TGS1: variants seen among roughly 807,000 people sequenced by gnomAD.
TGS1 encodes the protein trimethylguanosine synthase.
Under a neutral mutation model 92.2 loss-of-function variants are expected in TGS1, and 69 were observed. The ratio of observed to expected loss-of-function variants is 0.75; its 90% CI spans 0.62 to 0.91. The LOEUF is 0.91. TGS1 is among the 40% of genes least tolerant of loss of function. The pLI is 0.00. For missense variants in TGS1, 1,062 were observed against 1,001.2 expected, an observed-to-expected ratio of 1.06 and a Z score of -0.82; for synonymous variants, 345 against 338.1, an observed-to-expected ratio of 1.02 and a Z score of -0.22.
chr8:55,793,592 G>A (rs929663628), intron 6 of TGS1, among the ~76,000 whole-genome samples: 15 of 152,016 alleles, frequency 9.9e-5, no homozygotes, highest in Admixed American at 8.5e-4. Flanking sequence ...TTTTGAGACA[G>A]AGTCTCACTC....
intron 7 of TGS1, among the ~76,000 whole-genome samples, 169 bp from the exon 8 acceptor site, chr8:55,798,744 AT>A (rs1248562658): frequency 6.6e-6 from 1 of 152,186 alleles, no homozygotes; most frequent in African/African-American, 2.4e-5. Context: ...CCCAGATAGC[AT>A]TCTGATTAGG....
At chr8:55,814,912 C>T (rs1435083607) in intron 12 of TGS1, among the ~76,000 whole-genome samples, 1 of 151,338 alleles carries the variant, frequency 6.6e-6, no homozygotes, top group Non-Finnish European at 1.5e-5. Context: ...ATATTAAACA[C>T]CAGGTATTTT....
At chr8:55,783,191 A>G (rs1811618369) in intron 2 of TGS1, among the ~76,000 whole-genome samples, 2 of 152,152 alleles carry the variant, frequency 1.3e-5, no homozygotes, top group Admixed American at 1.3e-4. Context: ...GGCCAAGGCA[A>G]GCAGATCACT....
rs112600032 is a variant in TGS1 at position 55,781,164 on chromosome 8, T to A, written c.102-1584T>A. Among the ~76,000 whole-genome samples the A allele has an allele frequency of 5.9e-3, 905 of 152,344 alleles. 5 individuals carry two copies. The highest frequency in any genetic ancestry group is 0.02 in the African/African-American group (835 of 41,568). On this transcript the variant is annotated intron_variant, in intron 1 of 12. Transcript: ENST00000260129. ...TTTTACACGCATACATGAATGTGTC[T>A]GTGTATATATACACACATATGTAAC...
intron 10 of TGS1, among the ~76,000 whole-genome samples, chr8:55,810,373 T>C (rs1246679371): frequency 6.6e-6 from 1 of 152,292 alleles, no homozygotes; most frequent in Non-Finnish European, 1.5e-5. Context: ...CAGGTGTTTT[T>C]ACATTTCTTC....
chr8:55,814,488 A>G (rs969686098), intron 12 of TGS1, among the ~76,000 whole-genome samples: 2 of 151,850 alleles, frequency 1.3e-5, no homozygotes, highest in African/African-American at 4.8e-5. Context: ...GTGTCTAAAC[A>G]TTAGGCCTCC....
chr8:55,778,614 C>A (rs1174779698), intron 1 of TGS1, among the ~76,000 whole-genome samples: 1 of 152,132 alleles, frequency 6.6e-6, no homozygotes, highest in Non-Finnish European at 1.5e-5. Context: ...CCAACAGGTT[C>A]CTGAGTCAGA....
intron 12 of TGS1, among the ~76,000 whole-genome samples, chr8:55,822,848 A>T (rs1010259483): frequency 6.6e-6 from 1 of 152,166 alleles, no homozygotes; most frequent in African/African-American, 2.4e-5. Flanking sequence ...TGCACAATAA[A>T]TCTTCCCTTC....
intron 7 of TGS1, 108 bp downstream of exon 7, chr8:55,796,260 G>A (rs1369795247): frequency 1.2e-6 from 1 of 849,892 alleles, no homozygotes; most frequent in Non-Finnish European, 1.8e-6. Context: ...CAGGTATCAA[G>A]GTACATAATT....
intron 1 of TGS1, among the ~76,000 whole-genome samples, chr8:55,774,621 T>G (rs1811329257): frequency 1.3e-5 from 2 of 152,246 alleles, no homozygotes; most frequent in South Asian, 4.1e-4. Flanking sequence ...TTTTGTGCTC[T>G]TGTATATCAA....
chr8:55,801,433 G>A (rs112573630), intron 8 of TGS1, among the ~76,000 whole-genome samples: 9,286 of 147,288 alleles, frequency 0.063, 327 homozygotes, highest in African/African-American at 0.1. Context: ...ACCGTGCCCA[G>A]CTAATTTTTG....
chr8:55,777,781 C>T (rs777251697), intron 1 of TGS1, among the ~76,000 whole-genome samples: 10 of 152,198 alleles, frequency 6.6e-5, no homozygotes, highest in African/African-American at 1.4e-4. Context: ...GTGATCTGCC[C>T]GCCTTGGCCT....
rs376827151 is a variant in TGS1, at chr8:55,813,110, A to C, written c.2431A>C (p.Ile811Leu). ...TTATTTTCTTCCAAGAAATGCTGAT[A>C]TTGACCAGGTAAGCCATTACTGAAA... The part of the protein sequence containing the change: ...IVYFLPRNAD[I>L]DQVASLAGPG... Residue 811 changes from isoleucine to leucine, a missense_variant, in exon 12 of 13, where the codon ATT becomes CTT. Ile to Leu is a conservative substitution (Grantham distance 5, BLOSUM62 2). Transcript: ENST00000260129. The C allele has an allele frequency of 5.0e-6, 8 of 1,607,368 alleles. No individual in the cohort carries two copies. The African/African-American group carries it at 1.1e-4, about 21-fold the overall frequency.
At chr8:55,811,351 A>G (rs1803336376) in intron 11 of TGS1, among the ~76,000 whole-genome samples, 1 of 151,988 alleles carries the variant, frequency 6.6e-6, no homozygotes, top group Non-Finnish European at 1.5e-5. Flanking sequence ...TAATCCAGCT[A>G]CTCGGGAGGC....
intron 8 of TGS1, among the ~76,000 whole-genome samples, chr8:55,799,841 TG>T (rs1464414785): frequency 1.3e-5 from 2 of 152,204 alleles, no homozygotes; most frequent in Non-Finnish European, 2.9e-5. Context: ...CCCAAAGTGC[TG>T]GGATTACAGA....
intron 6 of TGS1, among the ~76,000 whole-genome samples, chr8:55,795,228 A>G (rs1035535276): frequency 6.6e-6 from 1 of 152,186 alleles, no homozygotes. Flanking sequence ...CCTGAGACTT[A>G]ACTACTTAAC....
chr8:55,824,736 A>G lies in TGS1; in HGVS notation c.*33A>G. Reference sequence around the variant, plus strand: ...GCAGTGCGAGGACAAAAGATCATGGAGTGGTCAAAATATTCAGATGAGACA... The same window carrying G: ...GCAGTGCGAGGACAAAAGATCATGGGGTGGTCAAAATATTCAGATGAGACA... On this transcript the variant is annotated 3_prime_UTR_variant, in exon 13 of 13. Transcript: ENST00000260129. The G allele has an allele frequency of 6.2e-7, 1 of 1,611,758 alleles. No homozygotes were observed. The highest frequency in any genetic ancestry group is 1.1e-5 in the South Asian group (1 of 90,642).
intron 1 of TGS1, among the ~76,000 whole-genome samples, chr8:55,780,699 C>T (rs77591364): frequency 6.6e-6 from 1 of 152,164 alleles, no homozygotes; most frequent in Non-Finnish European, 1.5e-5. Context: ...AGGAGTAGTT[C>T]TTGTCTTCTT....
intron 10 of TGS1, 28 bp downstream of exon 10, chr8:55,805,064 A>T (rs199856615): frequency 6.2e-7 from 1 of 1,604,218 alleles, no homozygotes; most frequent in Admixed American, 1.7e-5. Context: ...GAAGTGAACT[A>T]TTTTATGTCC....
Sources: allele counts gnomAD v4.1 joint callset (sites outside exome capture counted in the v4.1 genomes callset), GRCh38; gene constraint gnomAD v4.1.1; transcripts MANE v1.5; gene names NCBI Gene and HGNC (gene_info 2026-07-23, HGNC 2026-07-21).